Variants in SEMA5A observed in about 807,000 individuals in gnomAD.
SEMA5A encodes semaphorin-5A.
In SEMA5A, 55 loss-of-function variants were observed where a neutral mutation model predicts 135.5. The ratio of observed to expected loss-of-function variants is 0.41; its 90% CI spans 0.33 to 0.51. The LOEUF (loss-of-function observed/expected upper bound fraction) is 0.51. Ranked by LOEUF, SEMA5A falls within the 20% of genes least tolerant of loss-of-function variation. The pLI is 0.37. For missense variants in SEMA5A, 1,290 were observed against 1,419.9 expected, an observed-to-expected ratio of 0.91 and a Z score of 1.47; for synonymous variants, 580 against 546.5, an observed-to-expected ratio of 1.06 and a Z score of -0.85.
intron 10 of SEMA5A, 45 bp downstream of exon 10, chr5:9,197,123 T>C: frequency 4.3e-6 from 7 of 1,612,556 alleles, no homozygotes; most frequent in Non-Finnish European, 5.9e-6. Flanking sequence ...TTCTGCATTC[T>C]TCATGGGGGA....
At chr5:9,541,136 T>C (rs960959847) in intron 1 of SEMA5A, among the ~76,000 whole-genome samples, 1 of 152,226 alleles carries the variant, frequency 6.6e-6, no homozygotes, top group African/African-American at 2.4e-5. Flanking sequence ...TGTCCTTGTG[T>C]TATCCTGATT....
rs1440887073 is a variant in SEMA5A, at chr5:9,042,790, T to C, written c.*107A>G. On this transcript the variant is annotated 3_prime_UTR_variant, in exon 23 of 23. Coordinates refer to ENST00000382496, the MANE Select transcript of SEMA5A (RefSeq NM_003966.3). Reference sequence around the variant, plus strand: ...ACACTCTGGTGGCTTGAAATGCACTTGAAATGTATCCAAACTTCGACTCTG... The same window carrying C: ...ACACTCTGGTGGCTTGAAATGCACTCGAAATGTATCCAAACTTCGACTCTG... The C allele has an allele frequency of 4.6e-5, 64 of 1,406,062 alleles. No individual in the cohort carries two copies. Among genetic ancestry groups the C allele is most frequent in the Non-Finnish European group, 5.6e-5 (57 of 1,009,836 alleles). 87.1% of individuals were successfully genotyped at this position (1,406,062 alleles called of 1,614,324 possible).
At chr5:9,222,988 G>A (rs1747089133) in intron 8 of SEMA5A, among the ~76,000 whole-genome samples, 1 of 152,208 alleles carries the variant, frequency 6.6e-6, no homozygotes, top group Admixed American at 6.5e-5. Context: ...TATTGGGATA[G>A]GGATTCTTGA....
At chr5:9,371,503 G>A (rs940443334) in intron 3 of SEMA5A, among the ~76,000 whole-genome samples, 1 of 152,118 alleles carries the variant, frequency 6.6e-6, no homozygotes. Flanking sequence ...TTATAGAATT[G>A]AAAAGTGGTT....
At chr5:9,386,629 C>T (rs187597486) in intron 2 of SEMA5A, among the ~76,000 whole-genome samples, 456 of 152,304 alleles carry the variant, frequency 3.0e-3, no homozygotes, top group Non-Finnish European at 5.1e-3. Context: ...CCAGCCACAG[C>T]GGCAGCTCCT....
At chr5:9,244,011 T>C (rs1175230238) in intron 5 of SEMA5A, among the ~76,000 whole-genome samples, 1 of 152,188 alleles carries the variant, frequency 6.6e-6, no homozygotes, top group Non-Finnish European at 1.5e-5. Context: ...TGTCATAGAA[T>C]GTATTCATGT....
At chr5:9,259,029 C>T (rs1201261846) in intron 5 of SEMA5A, among the ~76,000 whole-genome samples, 3 of 151,974 alleles carry the variant, frequency 2.0e-5, no homozygotes, top group African/African-American at 4.8e-5. Flanking sequence ...ACCATGTTGG[C>T]GAGGTTAGTC....
chr5:9,175,154 C>T (rs1287383064), intron 11 of SEMA5A, among the ~76,000 whole-genome samples: 1 of 152,020 alleles, frequency 6.6e-6, no homozygotes, highest in Non-Finnish European at 1.5e-5. Flanking sequence ...CTCCCTGCAT[C>T]CCCAAAGGAA....
At chr5:9,409,369 A>G (rs1757019252) in intron 2 of SEMA5A, among the ~76,000 whole-genome samples, 1 of 152,218 alleles carries the variant, frequency 6.6e-6, no homozygotes, top group Non-Finnish European at 1.5e-5. Flanking sequence ...AGCCCTTCTC[A>G]GGCAACCCTG....
Position 9,364,274 on chromosome 5 carries a change from CCTTTGAGAGTGAAG to C in SEMA5A, c.124+15535_124+15548del, listed in dbSNP as rs569623934. On this transcript the variant is annotated intron_variant, in intron 3 of 22. Coordinates refer to ENST00000382496, the MANE Select transcript of SEMA5A (RefSeq NM_003966.3). ...GACATTGAACAATTTTGTGCAGACA[CCTTTGAGAGTGAAG>C]AACTATATCTTATAAATGGTGTGAA... 3.0e-3 allele frequency among the ~76,000 whole-genome samples: 459 copies of C among 152,266 alleles called. 2 individuals carry two copies. The highest frequency in any genetic ancestry group is 5.0e-3 in the Non-Finnish European group (342 of 68,006).
At chr5:9,285,382 G>A (rs575280406) in intron 5 of SEMA5A, among the ~76,000 whole-genome samples, 16 of 152,198 alleles carry the variant, frequency 1.1e-4, no homozygotes, top group South Asian at 2.1e-4. Context: ...CCGTGAACCC[G>A]CCAAGACAGT....
chr5:9,492,200 G>A (rs937427865), intron 1 of SEMA5A, among the ~76,000 whole-genome samples: 1 of 152,234 alleles, frequency 6.6e-6, no homozygotes, highest in Non-Finnish European at 1.5e-5. Context: ...AATGTTATGA[G>A]TTGGAAAGTG....
At chr5:9,403,641 T>G (rs989783251) in intron 2 of SEMA5A, among the ~76,000 whole-genome samples, 2 of 152,204 alleles carry the variant, frequency 1.3e-5, no homozygotes, top group Non-Finnish European at 2.9e-5. Context: ...CACATTATAA[T>G]GAAAATTGGA....
chr5:9,458,770 A>G (rs1758944719), intron 1 of SEMA5A, among the ~76,000 whole-genome samples: 1 of 152,222 alleles, frequency 6.6e-6, no homozygotes, highest in South Asian at 2.1e-4. Context: ...CGGAACACGT[A>G]TGAGCATCAA....
Position 9,364,600 on chromosome 5 carries a change from ATAGT to A in SEMA5A, c.124+15219_124+15222del, listed in dbSNP as rs558408087. On this transcript the variant is annotated intron_variant, in intron 3 of 22. Coordinates refer to ENST00000382496, the MANE Select transcript of SEMA5A (RefSeq NM_003966.3). Reference sequence around the variant, plus strand: ...AATATTATTTAATCAGACCAAAGACATAGTTAGATTAAAATTATAAGAAGGACAA... The same window carrying A: ...AATATTATTTAATCAGACCAAAGACATAGATTAAAATTATAAGAAGGACAA... 3.7e-3 allele frequency among the ~76,000 whole-genome samples: 563 copies of A among 152,336 alleles called. 4 individuals are homozygous for A. The highest frequency in any genetic ancestry group is 0.011 in the African/African-American group (447 of 41,582).
At chr5:9,298,359 C>G (rs577162353) in intron 5 of SEMA5A, among the ~76,000 whole-genome samples, 5 of 152,140 alleles carry the variant, frequency 3.3e-5, no homozygotes, top group Non-Finnish European at 1.5e-5. Flanking sequence ...GAAGAAGACT[C>G]CCCTAGAGCC....
At chr5:9,198,447 C>T (rs1745534032) in intron 9 of SEMA5A, among the ~76,000 whole-genome samples, 1 of 152,100 alleles carries the variant, frequency 6.6e-6, no homozygotes, top group Non-Finnish European at 1.5e-5. Context: ...CGGATTTTCC[C>T]CAGTATGGCT....
chr5:9,091,273 A>T lies in SEMA5A; in HGVS notation c.2073+16867T>A, dbSNP rs146381554. On this transcript the variant is annotated intron_variant, in intron 16 of 22. Transcript: ENST00000382496. The stretch of plus-strand genomic sequence containing the variant: ...AACATGAAGTAAAAGATAGAAGCCA[A>T]CTGTCAGAATTTTAAAAATCAACGA... 1.4e-3 allele frequency among the ~76,000 whole-genome samples: 209 copies of T among 152,360 alleles called. 3 individuals carry two copies. The East Asian group carries it at 0.024, about 17-fold the overall frequency.
chr5:9,416,738 C>T (rs997558646), intron 2 of SEMA5A, among the ~76,000 whole-genome samples: 1 of 152,168 alleles, frequency 6.6e-6, no homozygotes, highest in African/African-American at 2.4e-5. Flanking sequence ...TTTACTTCCC[C>T]TCCTCAGGAA....
Sources: gnomAD v4.1 joint callset for allele counts (sites outside exome capture counted in the v4.1 genomes callset) on GRCh38, gnomAD v4.1.1 for gene constraint, MANE v1.5 for transcripts, NCBI Gene and HGNC (gene_info 2026-07-23, HGNC 2026-07-21) for gene names.